Variants in PARD3 observed in about 807,000 individuals in gnomAD.
PARD3 encodes the protein partitioning defective 3 homolog.
A neutral mutation model predicts 155.4 loss-of-function variants in PARD3; 75 were observed. The observed-to-expected ratio is 0.48, with a 90% CI of 0.40 to 0.58. PARD3 has a LOEUF of 0.58. Ranked by LOEUF, PARD3 falls within the 20% of genes least tolerant of loss-of-function variation. The pLI, the probability that PARD3 is intolerant of heterozygous loss-of-function variation, is 0.00. For missense variants in PARD3, 1,642 were observed against 1,721.7 expected (o/e 0.95, Z 0.82); for synonymous variants, 576 against 610.5 (o/e 0.94, Z 0.83).
At chr10:34,330,772 T>A (rs1231522981) in intron 19 of PARD3, among the ~76,000 whole-genome samples, 1 of 152,144 alleles carries the variant, frequency 6.6e-6, no homozygotes, top group Non-Finnish European at 1.5e-5. Context: ...TACCAAAAAA[T>A]ATATATATTC....
chr10:34,622,796 C>T (rs964203413), intron 2 of PARD3, among the ~76,000 whole-genome samples: 3 of 149,420 alleles, frequency 2.0e-5, no homozygotes, highest in African/African-American at 7.4e-5. Flanking sequence ...TGTTCAATGA[C>T]TTACATTGCC....
intron 7 of PARD3, among the ~76,000 whole-genome samples, chr10:34,385,155 T>A (rs1038699186): frequency 2.0e-5 from 3 of 152,194 alleles, no homozygotes; most frequent in Non-Finnish European, 2.9e-5. Context: ...TTTTTTGAGA[T>A]GGAGTTTCGT....
intron 19 of PARD3, among the ~76,000 whole-genome samples, chr10:34,326,138 A>G (rs1255021043): frequency 6.6e-6 from 1 of 151,942 alleles, no homozygotes; most frequent in East Asian, 1.9e-4. Flanking sequence ...AAAAAAAAAA[A>G]AAAAAAAGTT....
intron 23 of PARD3, among the ~76,000 whole-genome samples, chr10:34,125,071 C>G (rs12247737): frequency 2.8e-5 from 4 of 140,636 alleles, no homozygotes; most frequent in African/African-American, 1.1e-4. Context: ...CTATTTCTTT[C>G]TTTTTTTTTT....
At chr10:34,738,556 C>A (rs2094955779) in intron 1 of PARD3, among the ~76,000 whole-genome samples, 1 of 150,620 alleles carries the variant, frequency 6.6e-6, no homozygotes, top group South Asian at 2.1e-4. Flanking sequence ...GAAGAAAAGC[C>A]AACATACGGA....
chr10:34,266,389 C>T (rs948376476), intron 22 of PARD3, among the ~76,000 whole-genome samples: 1 of 152,154 alleles, frequency 6.6e-6, no homozygotes, highest in Non-Finnish European at 1.5e-5. Context: ...TATGATAATT[C>T]CCAACTTTTT....
At chr10:34,539,965 G>A (rs556332644) in intron 2 of PARD3, among the ~76,000 whole-genome samples, 6 of 152,162 alleles carry the variant, frequency 3.9e-5, no homozygotes, top group African/African-American at 7.2e-5. Context: ...GAAACCATAC[G>A]CGACTACCTT....
intron 1 of PARD3, among the ~76,000 whole-genome samples, chr10:34,730,708 G>C (rs2133811119): frequency 6.6e-6 from 1 of 152,260 alleles, no homozygotes; most frequent in East Asian, 1.9e-4. Context: ...GCTCACTTGG[G>C]CACAGGAGTA....
At chr10:34,304,874 T>C (rs1347930200) in intron 20 of PARD3, among the ~76,000 whole-genome samples, 1 of 152,194 alleles carries the variant, frequency 6.6e-6, no homozygotes, top group Non-Finnish European at 1.5e-5. Context: ...AAATAGCTTA[T>C]TGTTTGCCTT....
At chr10:34,449,569 T>C (rs913568178) in intron 5 of PARD3, among the ~76,000 whole-genome samples, 2 of 151,396 alleles carry the variant, frequency 1.3e-5, no homozygotes, top group African/African-American at 4.9e-5. Context: ...ATCTGCACAT[T>C]GTGCACATGT....
At chr10:34,141,536 G>T (rs1389342271) in intron 22 of PARD3, among the ~76,000 whole-genome samples, 1 of 152,128 alleles carries the variant, frequency 6.6e-6, no homozygotes. Flanking sequence ...TCACAGGGAG[G>T]TCATCTCTCC....
At position 34,565,260 on chromosome 10, in the gene PARD3, C is replaced by CTTTTTTTTTTTTTTTTT. The variant is rs59606413; in HGVS notation, c.223-48118_223-48102dup. Among the ~76,000 whole-genome samples the CTTTTTTTTTTTTTTTTT allele has an allele frequency of 1.0e-4, 4 of 39,670 alleles. 1 individual carries two copies. The highest frequency in any genetic ancestry group is 4.4e-4 in the African/African-American group (4 of 9,064). The allele number at this position is 39,670 out of a possible 152,430, so 26.0% of individuals were successfully genotyped here. A position where few individuals can be genotyped will look rare whatever the true frequency, so the allele number is the denominator to read the frequency against. ...TCAGATAAAAGACAAAGGAGCAAGG[C>CTTTTTTTTTTTTTTTTT]TTTTTTTTTTTTTTTTTTTTTTTTT... On this transcript the variant is annotated intron_variant, in intron 2 of 24. Coordinates refer to ENST00000374788, the MANE Select transcript of PARD3 (RefSeq NM_001184785.2).
chr10:34,293,762 A>C (rs1209349749), intron 20 of PARD3, among the ~76,000 whole-genome samples: 1 of 152,194 alleles, frequency 6.6e-6, no homozygotes, highest in Non-Finnish European at 1.5e-5. Context: ...TGCTCAAATA[A>C]CTCTGATAAT....
At chr10:34,592,605 G>T (rs988416090) in intron 2 of PARD3, among the ~76,000 whole-genome samples, 2 of 152,006 alleles carry the variant, frequency 1.3e-5, no homozygotes, top group Non-Finnish European at 2.9e-5. Context: ...GTGAAACCCT[G>T]TCTCTACTAA....
chr10:34,728,894 C>A (rs1263299077), intron 1 of PARD3, among the ~76,000 whole-genome samples: 1 of 152,230 alleles, frequency 6.6e-6, no homozygotes, highest in Non-Finnish European at 1.5e-5. Flanking sequence ...ACAGACCGCA[C>A]ACAGACAGTG....
intron 2 of PARD3, among the ~76,000 whole-genome samples, chr10:34,607,086 A>G (rs2090524235): frequency 6.6e-6 from 1 of 152,096 alleles, no homozygotes; most frequent in African/African-American, 2.4e-5. Context: ...GTGTTTCAGC[A>G]CAAATCTTAA....
chr10:34,317,778 G>T (rs552878589), intron 19 of PARD3, among the ~76,000 whole-genome samples: 1 of 152,270 alleles, frequency 6.6e-6, no homozygotes, highest in African/African-American at 2.4e-5. Context: ...GATACACTCT[G>T]GCCCCTCATT....
rs530149419 is a variant in PARD3 at position 34,156,688 on chromosome 10, C to T, written c.3420-25105G>A. On this transcript the variant is annotated intron_variant, in intron 22 of 24. Transcript: ENST00000374788. ...CTAAGTCAAGCCCTCACTAAGAGCGCGGCTGCTGGCACTGTGGTCCCACTT... is the reference window on the plus strand; with the variant it reads ...CTAAGTCAAGCCCTCACTAAGAGCGTGGCTGCTGGCACTGTGGTCCCACTT... Among the ~76,000 whole-genome samples the T allele has an allele frequency of 7.9e-5, 12 of 152,202 alleles. No individual in the cohort carries two copies. The East Asian group carries it at 1.4e-3, about 17-fold the overall frequency.
Position 34,317,407 on chromosome 10 carries a change from C to T in PARD3, c.2834-69G>A, listed in dbSNP as rs992557946. On this transcript the variant is annotated intron_variant, in intron 19 of 24. Coordinates refer to ENST00000374788, the MANE Select transcript of PARD3 (RefSeq NM_001184785.2). ...CAACAAAAATAATAAAGCTAAAATACATTCAAGGACTTTACTTTCCCACAC... is the reference window on the plus strand; with the variant it reads ...CAACAAAAATAATAAAGCTAAAATATATTCAAGGACTTTACTTTCCCACAC... The T allele has an allele frequency of 5.4e-6, 8 of 1,493,418 alleles. No homozygotes were observed. In the African/African-American group the frequency reaches 9.8e-5, roughly 18 times the overall value. 92.5% of individuals were successfully genotyped at this position (1,493,418 alleles called of 1,614,324 possible). A position where few individuals can be genotyped will look rare whatever the true frequency, so the allele number is the denominator to read the frequency against.
Sources: allele counts gnomAD v4.1 joint callset (sites outside exome capture counted in the v4.1 genomes callset), GRCh38; gene constraint gnomAD v4.1.1; transcripts MANE v1.5; gene names NCBI Gene and HGNC (gene_info 2026-07-23, HGNC 2026-07-21).